Variants in LARGE1 observed in about 807,000 individuals in gnomAD.
LARGE1 encodes the protein xylosyl- and glucuronyltransferase LARGE1.
A neutral mutation model predicts 87.6 loss-of-function variants in LARGE1; 43 were observed. That is an observed-to-expected ratio of 0.49 (90% CI 0.38 to 0.63). The LOEUF (loss-of-function observed/expected upper bound fraction) is 0.63. Among genes scored for constraint, LARGE1 ranks in the 30% least tolerant of loss-of-function variants. The pLI is 0.00. For synonymous variants in LARGE1, 434 were observed against 394.6 expected, an observed-to-expected ratio of 1.10 and a Z score of -1.18; for missense variants, 802 against 1,000.2, an observed-to-expected ratio of 0.80 and a Z score of 2.67.
chr22:33,623,736 A>C (rs952796754), intron 4 of LARGE1, among the ~76,000 whole-genome samples: 2 of 151,990 alleles, frequency 1.3e-5, no homozygotes, highest in Non-Finnish European at 2.9e-5. Flanking sequence ...CCTAAAGTCT[A>C]AAGAGTTAAA....
At chr22:33,884,237 T>G (rs1224475341) in intron 1 of LARGE1, among the ~76,000 whole-genome samples, 1 of 152,218 alleles carries the variant, frequency 6.6e-6, no homozygotes, top group East Asian at 1.9e-4. Context: ...TGTGTACGAA[T>G]CATTACTGCA....
At chr22:33,869,686 G>T (rs564995375) in intron 1 of LARGE1, among the ~76,000 whole-genome samples, 2 of 152,204 alleles carry the variant, frequency 1.3e-5, no homozygotes, top group Non-Finnish European at 2.9e-5. Flanking sequence ...TGGGAAGGGG[G>T]TCCCTTCTGG....
intron 12 of LARGE1, among the ~76,000 whole-genome samples, chr22:33,302,133 T>C (rs979562591): frequency 6.6e-6 from 1 of 152,202 alleles, no homozygotes; most frequent in African/African-American, 2.4e-5. Context: ...TGGGAGCCTG[T>C]CATCCCGGAA....
intron 1 of LARGE1, among the ~76,000 whole-genome samples, chr22:33,881,133 C>T (rs1238993853): frequency 2.6e-5 from 4 of 152,084 alleles, no homozygotes; most frequent in Non-Finnish European, 4.4e-5. Flanking sequence ...TGACAGGCTC[C>T]CATATGGAGA....
intron 10 of LARGE1, among the ~76,000 whole-genome samples, chr22:33,335,139 C>G (rs1938290962): frequency 6.6e-6 from 1 of 152,198 alleles, no homozygotes. Flanking sequence ...GGTAGGAGAA[C>G]AGTTTCCATT....
intron 4 of LARGE1, among the ~76,000 whole-genome samples, chr22:33,623,040 C>T (rs370433398): frequency 3.4e-4 from 52 of 152,186 alleles, no homozygotes; most frequent in Non-Finnish European, 6.6e-4. Flanking sequence ...TTATACACAA[C>T]ACCAGAGGTT....
chr22:33,762,229 AAAAAAAAAAAAAG>A (rs1601554413), intron 1 of LARGE1, among the ~76,000 whole-genome samples: 5 of 116,390 alleles, frequency 4.3e-5, no homozygotes, highest in Admixed American at 9.7e-5. Flanking sequence ...AAAAAAAAAA[AAAAAAAAAAAAAG>A]ACTAGACCAG....
chr22:33,662,015 GGAA>G lies in LARGE1; in HGVS notation c.107-11350_107-11348del, dbSNP rs546252877. 2.2e-3 allele frequency among the ~76,000 whole-genome samples: 322 copies of G among 144,430 alleles called. 1 individual carries two copies. The highest frequency in any genetic ancestry group is 8.0e-3 in the African/African-American group (306 of 38,488). 94.8% of individuals were successfully genotyped at this position (144,430 alleles called of 152,430 possible). A position where few individuals can be genotyped will look rare whatever the true frequency, so the allele number is the denominator to read the frequency against. On this transcript the variant is annotated intron_variant, in intron 2 of 14. Transcript: ENST00000397394. ...TCTTTTGGCTTCCCTGGGCCACACT[GGAA>G]GAAGAATTGTCTTGGGCCACACATA... is the stretch of plus-strand genomic sequence containing the variant.
chr22:33,513,896 G>A (rs1294864958), intron 6 of LARGE1, among the ~76,000 whole-genome samples: 1 of 150,740 alleles, frequency 6.6e-6, no homozygotes, highest in Non-Finnish European at 1.5e-5. Context: ...ACAGTATAGT[G>A]TTGTGGTCCC....
intron 11 of LARGE1, among the ~76,000 whole-genome samples, chr22:33,251,165 G>T (rs890361328): frequency 1.3e-5 from 2 of 152,124 alleles, no homozygotes; most frequent in Admixed American, 1.3e-4. Flanking sequence ...GGCCTTATTT[G>T]ATATCCTAGA....
the LARGE1 span, among the ~76,000 whole-genome samples, chr22:33,143,616 TC>T: frequency 6.6e-6 from 1 of 152,146 alleles, no homozygotes; most frequent in Non-Finnish European, 1.5e-5. Flanking sequence ...GATTTTTTTT[TC>T]ATTAGAACAA....
chr22:33,652,435 G>A (rs2080848354), intron 2 of LARGE1, among the ~76,000 whole-genome samples: 2 of 151,952 alleles, frequency 1.3e-5, no homozygotes, highest in Non-Finnish European at 1.5e-5. Context: ...TAAAGTAGGC[G>A]CTCAAGGCAT....
intron 6 of LARGE1, among the ~76,000 whole-genome samples, chr22:33,456,773 G>C (rs1182069699): frequency 1.3e-5 from 2 of 152,180 alleles, no homozygotes; most frequent in African/African-American, 4.8e-5. Flanking sequence ...GCAACTCTGA[G>C]CTAATAGAAC....
At chr22:33,600,035 C>T (rs574114914) in intron 5 of LARGE1, among the ~76,000 whole-genome samples, 1 of 152,254 alleles carries the variant, frequency 6.6e-6, no homozygotes, top group African/African-American at 2.4e-5. Context: ...GGCTGGTGGG[C>T]AAACTCCTGG....
chr22:33,308,902 G>GATACAAA (rs1261274653), intron 11 of LARGE1, among the ~76,000 whole-genome samples: 1 of 152,150 alleles, frequency 6.6e-6, no homozygotes, highest in Non-Finnish European at 1.5e-5. Flanking sequence ...CAAAGTGTCT[G>GATACAAA]GTGCAAAGCT....
rs539640033 is a variant in LARGE1 at position 33,833,790 on chromosome 22, C to T, written c.-82-72232G>A. 3.9e-4 allele frequency among the ~76,000 whole-genome samples: 60 copies of T among 152,262 alleles called. 1 individual carries two copies. Among genetic ancestry groups the T allele is most frequent in the South Asian group, 2.5e-3 (12 of 4,824 alleles). ...GCAACCTCTGCCTCCTGGGTTCAAA[C>T]GATTCTCCTGCCTCAGCCTCCCAAG... On this transcript the variant is annotated intron_variant, in intron 1 of 14. Coordinates refer to ENST00000397394, the MANE Select transcript of LARGE1 (RefSeq NM_133642.5).
At chr22:33,160,364 G>T (rs182106080), downstream of LARGE1, among the ~76,000 whole-genome samples, 12 of 152,308 alleles carry the variant, frequency 7.9e-5, no homozygotes, top group East Asian at 2.1e-3. Context: ...TTGAATGAGA[G>T]AAAAAATCAG....
At chr22:33,232,067 C>CA (rs1283256273) in intron 11 of LARGE1, among the ~76,000 whole-genome samples, 6 of 152,186 alleles carry the variant, frequency 3.9e-5, no homozygotes, top group Non-Finnish European at 8.8e-5. Flanking sequence ...GCAGAGGGGT[C>CA]AGGATTCCAA....
intron 1 of LARGE1, among the ~76,000 whole-genome samples, chr22:33,771,417 T>C (rs2085065413): frequency 6.6e-6 from 1 of 152,162 alleles, no homozygotes; most frequent in East Asian, 1.9e-4. Flanking sequence ...GTTAATCATT[T>C]CTGATTTCAA....
Sources: allele counts gnomAD v4.1 joint callset (sites outside exome capture counted in the v4.1 genomes callset), GRCh38; gene constraint gnomAD v4.1.1; transcripts MANE v1.5; gene names NCBI Gene and HGNC (gene_info 2026-07-23, HGNC 2026-07-21).